Variants in PI4KA observed in about 807,000 individuals in gnomAD.
PI4KA encodes the protein PI4-kinase alpha.
Under a neutral mutation model 271.4 loss-of-function variants are expected in PI4KA, and 122 were observed. That is an observed-to-expected ratio of 0.45 (90% CI 0.39 to 0.52). The LOEUF (loss-of-function observed/expected upper bound fraction) is 0.52, where lower values mean the gene tolerates loss of function less well. PI4KA is among the 20% of genes least tolerant of loss of function. The pLI is 0.00. For synonymous variants in PI4KA, 1,041 were observed against 1,078.8 expected (o/e 0.96, Z 0.69); for missense variants, 1,969 against 2,769.1 (o/e 0.71, Z 6.48).
At chr22:20,794,944 G>A (rs948685528) in intron 18 of PI4KA, among the ~76,000 whole-genome samples, 5 of 152,190 alleles carry the variant, frequency 3.3e-5, no homozygotes, top group South Asian at 2.1e-4. Flanking sequence ...CCTGCAAAGC[G>A]TAAAATATTT....
At chr22:20,851,666 A>G (rs1225131473) in intron 1 of PI4KA, among the ~76,000 whole-genome samples, 3 of 152,176 alleles carry the variant, frequency 2.0e-5, no homozygotes, top group Non-Finnish European at 4.4e-5. Flanking sequence ...CCAGGCTTCC[A>G]GATAAGCTTT....
chr22:20,768,465 A>G (rs961057581), intron 19 of PI4KA, among the ~76,000 whole-genome samples: 1 of 152,254 alleles, frequency 6.6e-6, no homozygotes, highest in African/African-American at 2.4e-5. Context: ...AATATGATAT[A>G]GATTTTAAAA....
intron 2 of PI4KA, 99 bp from the exon 3 acceptor site, chr22:20,834,754 C>A (rs913154207): frequency 1.4e-6 from 1 of 702,342 alleles, no homozygotes; most frequent in South Asian, 1.7e-5. Flanking sequence ...ATATCCACAT[C>A]CTAATCATCT....
At chr22:20,732,336 C>T (rs747441089) in intron 36 of PI4KA, among the ~76,000 whole-genome samples, 7 of 152,164 alleles carry the variant, frequency 4.6e-5, no homozygotes, top group Non-Finnish European at 4.4e-5. Context: ...GCCAAGATTG[C>T]GCTACTGCAC....
At chr22:20,780,213 C>A (rs2147483791) in intron 19 of PI4KA, 1 of 1,614,178 alleles carries the variant, frequency 6.2e-7, no homozygotes, top group Non-Finnish European at 8.5e-7. Context: ...TAAGAGGCAC[C>A]TTTACAGTTC....
At chr22:20,795,345 C>T (rs1331879844) in intron 18 of PI4KA, among the ~76,000 whole-genome samples, 1 of 151,736 alleles carries the variant, frequency 6.6e-6, no homozygotes, top group Non-Finnish European at 1.5e-5. Context: ...TACATACCCA[C>T]CCTATCTAAA....
intron 3 of PI4KA, among the ~76,000 whole-genome samples, chr22:20,831,275 C>T (rs1260046364): frequency 6.6e-6 from 1 of 151,878 alleles, no homozygotes; most frequent in Non-Finnish European, 1.5e-5. Flanking sequence ...TTTAACAATG[C>T]TGAATATGAG....
chr22:20,731,259 G>A (rs1928013944), intron 36 of PI4KA, among the ~76,000 whole-genome samples: 1 of 152,214 alleles, frequency 6.6e-6, no homozygotes, highest in Non-Finnish European at 1.5e-5. Flanking sequence ...CTGATCACCG[G>A]CAACGTATAG....
intron 26 of PI4KA, 130 bp downstream of exon 26, chr22:20,751,544 G>C (rs545822453): frequency 1.0e-6 from 1 of 965,242 alleles, no homozygotes; most frequent in Non-Finnish European, 1.6e-6. Flanking sequence ...CCCCCAACTC[G>C]ACACCTGTAG....
chr22:20,737,804 T>C (rs920189832), intron 32 of PI4KA, among the ~76,000 whole-genome samples: 2 of 152,120 alleles, frequency 1.3e-5, no homozygotes, highest in East Asian at 1.9e-4. Flanking sequence ...GCTAATTTTG[T>C]ATATTTAGTA....
intron 19 of PI4KA, among the ~76,000 whole-genome samples, chr22:20,778,897 T>G (rs959910873): frequency 2.1e-4 from 32 of 152,172 alleles, no homozygotes; most frequent in African/African-American, 7.2e-4. Context: ...GTCTGTCCCA[T>G]CTGTCCCCTG....
intron 36 of PI4KA, among the ~76,000 whole-genome samples, 161 bp from the exon 37 acceptor site, chr22:20,730,172 G>A (rs1025455110): frequency 6.6e-6 from 1 of 152,136 alleles, no homozygotes; most frequent in Non-Finnish European, 1.5e-5. Context: ...TGGATGGTGG[G>A]TTTTCCAAAA....
intron 1 of PI4KA, among the ~76,000 whole-genome samples, chr22:20,852,361 G>T (rs1168099829): frequency 1.3e-5 from 2 of 152,178 alleles, no homozygotes; most frequent in Non-Finnish European, 2.9e-5. Context: ...GGAGGGCACT[G>T]AGGGAAGGCT....
intron 45 of PI4KA, among the ~76,000 whole-genome samples, chr22:20,714,987 G>C (rs1355038352): frequency 2.0e-5 from 3 of 152,160 alleles, no homozygotes; most frequent in Non-Finnish European, 4.4e-5. Context: ...CACGGATACA[G>C]CCCTACTGCT....
At chr22:20,849,779 G>C (rs375519175) in intron 1 of PI4KA, among the ~76,000 whole-genome samples, 219 of 152,268 alleles carry the variant, frequency 1.4e-3, no homozygotes, top group African/African-American at 4.3e-3. Flanking sequence ...GTGTGAACCT[G>C]GGAGGCAGAG....
chr22:20,857,705 C>T (rs1927776775), intron 1 of PI4KA, among the ~76,000 whole-genome samples: 1 of 152,146 alleles, frequency 6.6e-6, no homozygotes, highest in Non-Finnish European at 1.5e-5. Context: ...TCAAGAACAA[C>T]CTCATTTTAC....
chr22:20,733,812 C>T lies in PI4KA; in HGVS notation c.4084G>A (p.Ala1362Thr). The T allele has an allele frequency of 6.2e-7, 1 of 1,612,360 alleles. No individual in the cohort carries two copies. The highest frequency in any genetic ancestry group is 8.5e-7 in the Non-Finnish European group (1 of 1,179,864). Reference sequence around the variant, plus strand: ...ATGGTTGCATTTGGAACCACATCGGCATGCAGGAGGGACAGCCCCAGGGTC... The same window carrying T: ...ATGGTTGCATTTGGAACCACATCGGTATGCAGGAGGGACAGCCCCAGGGTC... ...LLTLGLSLLH[A>T]DVVPNATIRN... Residue 1362 changes from alanine (A) to threonine (T), a missense_variant, in exon 35 of 55, where the codon GCC (alanine) becomes ACC (threonine). Ala to Thr is a moderately conservative substitution (Grantham distance 58). Transcript: ENST00000255882.
intron 19 of PI4KA, among the ~76,000 whole-genome samples, chr22:20,781,303 A>G (rs1200742759): frequency 6.6e-6 from 1 of 152,222 alleles, no homozygotes; most frequent in Non-Finnish European, 1.5e-5. Flanking sequence ...AGAGTGTGGA[A>G]GGGGAAACAC....
At chr22:20,797,053 G>A (rs887559835) in intron 17 of PI4KA, among the ~76,000 whole-genome samples, 3 of 152,126 alleles carry the variant, frequency 2.0e-5, no homozygotes, top group African/African-American at 4.8e-5. Flanking sequence ...ATTTCTCTTC[G>A]TAGGATCACG....
Sources: allele counts gnomAD v4.1 joint callset (sites outside exome capture counted in the v4.1 genomes callset), GRCh38; gene constraint gnomAD v4.1.1; transcripts MANE v1.5; gene names NCBI Gene and HGNC (gene_info 2026-07-23, HGNC 2026-07-21).